TRIM66: variants seen among roughly 807,000 people sequenced by gnomAD.
TRIM66 encodes the protein tripartite motif containing 66.
Under a neutral mutation model 148.2 loss-of-function variants are expected in TRIM66, and 99 were observed. That is an observed-to-expected ratio of 0.67 (90% CI 0.57 to 0.79). TRIM66 has a LOEUF of 0.79. TRIM66 is among the 30% of genes least tolerant of loss of function. The pLI is 0.00. For synonymous variants in TRIM66, 616 were observed against 635.9 expected (o/e 0.97, Z 0.47); for missense variants, 1,666 against 1,697.9 (o/e 0.98, Z 0.33).
At chr11:8,668,249 C>T (rs1175171005) in intron 6 of TRIM66, among the ~76,000 whole-genome samples, 2 of 151,394 alleles carry the variant, frequency 1.3e-5, no homozygotes, top group Non-Finnish European at 2.9e-5. Context: ...AGTCTTTTGC[C>T]CATTTTAAAA....
chr11:8,646,636 A>G, intron 10 of TRIM66, 75 bp from the exon 11 acceptor site: 1 of 1,222,410 alleles, frequency 8.2e-7, no homozygotes, highest in Non-Finnish European at 1.2e-6. Context: ...AGCAAACATA[A>G]GAACCAACTT....
chr11:8,649,693 C>G, intron 8 of TRIM66, 47 bp downstream of exon 8: 2 of 1,538,580 alleles, frequency 1.3e-6, no homozygotes, highest in South Asian at 2.4e-5. Flanking sequence ...TAGGGTTCAG[C>G]CCTGCTTTAG....
rs541265173 is a variant in TRIM66 at position 8,639,111 on chromosome 11, T to C, written c.2149-296A>G. ...ACTTACATTTTAGCTTGTGGCCCTC[T>C]ATGAACCCTAGACCCTTCTCTGCCA... On this transcript the variant is annotated intron_variant, in intron 14 of 24. Transcript: ENST00000646038. Among the ~76,000 whole-genome samples, 24 of 152,348 alleles carry C rather than the reference T, an allele frequency of 1.6e-4. No individual in the cohort carries two copies. The East Asian group carries it at 3.1e-3, about 20-fold the overall frequency.
chr11:8,619,836 C>T (rs2034033821), intron 22 of TRIM66, among the ~76,000 whole-genome samples: 1 of 152,216 alleles, frequency 6.6e-6, no homozygotes, highest in Non-Finnish European at 1.5e-5. Context: ...GTCACTACTC[C>T]CAGTGGCCAT....
intron 22 of TRIM66, 56 bp from the exon 23 acceptor site, chr11:8,619,591 G>A (rs775501694): frequency 6.3e-6 from 9 of 1,433,122 alleles, no homozygotes; most frequent in Middle Eastern, 3.8e-4. Context: ...AAGAAATGGA[G>A]GTGTGGATAA....
rs1359746754 is a variant in TRIM66, at chr11:8,648,405, G to A, written c.725+11C>T. The A allele has an allele frequency of 9.7e-6, 15 of 1,550,822 alleles. No homozygotes were observed. Among genetic ancestry groups the A allele is most frequent in the Admixed American group, 2.0e-5 (1 of 50,980 alleles). On this transcript the variant is annotated intron_variant, in intron 9 of 24. Transcript: ENST00000646038. The stretch of plus-strand genomic sequence containing the variant: ...CTCCCCAGCCCATTTCAGGCAGTCT[G>A]TCAGCCCCACCTGTGTTCTTTGTGT...
chr11:8,676,872 T>C (rs2039203129), intron 3 of TRIM66, among the ~76,000 whole-genome samples: 1 of 152,236 alleles, frequency 6.6e-6, no homozygotes, highest in South Asian at 2.1e-4. Flanking sequence ...AACGAAGTGC[T>C]TTACTTAAAA....
At chr11:8,665,540 A>C (rs971339653) in intron 6 of TRIM66, among the ~76,000 whole-genome samples, 7 of 152,230 alleles carry the variant, frequency 4.6e-5, no homozygotes, top group Non-Finnish European at 8.8e-5. Flanking sequence ...CTGTCTTTTC[A>C]TCTCTGTACC....
Position 8,621,636 on chromosome 11 carries a change from A to C in TRIM66, c.3255+9T>G, listed in dbSNP as rs1215922362. The C allele has an allele frequency of 6.6e-7, 1 of 1,515,540 alleles. No homozygotes were observed. The highest frequency in any genetic ancestry group is 1.3e-5 in the South Asian group (1 of 76,656). The allele number at this position is 1,515,540 out of a possible 1,614,324, so 93.9% of individuals were successfully genotyped here. ...CAGGGTTTAAGGCCAAGGCAAAGCA[A>C]AGTGGTACCTTAATGGACATGCTGG... On this transcript the variant is annotated intron_variant, in intron 19 of 24. Coordinates refer to ENST00000646038, the MANE Select transcript of TRIM66 (RefSeq NM_001388022.1).
chr11:8,621,583 G>A (rs1349416288), intron 19 of TRIM66, 62 bp downstream of exon 19: 2 of 1,456,052 alleles, frequency 1.4e-6, no homozygotes, highest in Non-Finnish European at 1.8e-6. Context: ...TCGGGCAGTA[G>A]CAGAAAGAAT....
At chr11:8,668,765 T>A (rs1242681103) in intron 6 of TRIM66, among the ~76,000 whole-genome samples, 1 of 152,036 alleles carries the variant, frequency 6.6e-6, no homozygotes, top group Admixed American at 6.6e-5. Flanking sequence ...TTTTGTATTT[T>A]AGTAGAGACG....
chr11:8,678,575 C>T (rs750888323), intron 3 of TRIM66, among the ~76,000 whole-genome samples: 1 of 152,018 alleles, frequency 6.6e-6, no homozygotes, highest in Non-Finnish European at 1.5e-5. Flanking sequence ...CTGTCTATTA[C>T]GTATAATTTT....
At chr11:8,667,558 C>T (rs928154702) in intron 6 of TRIM66, among the ~76,000 whole-genome samples, 3 of 152,190 alleles carry the variant, frequency 2.0e-5, no homozygotes, top group Non-Finnish European at 4.4e-5. Flanking sequence ...CTGTACCCAT[C>T]AAATAACAAC....
chr11:8,656,668 T>TC (rs528158686), intron 6 of TRIM66, among the ~76,000 whole-genome samples: 41 of 152,230 alleles, frequency 2.7e-4, no homozygotes, highest in African/African-American at 9.9e-4. Context: ...TGTAAAAAAT[T>TC]CCCCAGGCGA....
chr11:8,626,102 A>T (rs2034820340), intron 15 of TRIM66, among the ~76,000 whole-genome samples: 1 of 152,234 alleles, frequency 6.6e-6, no homozygotes, highest in Non-Finnish European at 1.5e-5. Context: ...AAAGAAGTTG[A>T]AGATACAGAT....
chr11:8,674,742 T>C (rs920001930), intron 4 of TRIM66, 64 bp downstream of exon 4: 4 of 152,210 alleles, frequency 2.6e-5, no homozygotes, highest in Admixed American at 6.5e-5. Context: ...AGAGTCACAT[T>C]GTTTCTCATA....
chr11:8,617,749 T>C lies in TRIM66; in HGVS notation c.*195A>G. On this transcript the variant is annotated 3_prime_UTR_variant, in exon 25 of 25. Transcript: ENST00000646038. ...TACCTTCCTCTTTCCTGTTTATTAC[T>C]GAAATCTTCTCTGTAGTGGATGTAC... The C allele has an allele frequency of 1.8e-6, 1 of 568,256 alleles. No individual in the cohort carries two copies. 35.2% of individuals were successfully genotyped at this position (568,256 alleles called of 1,614,324 possible).
intron 15 of TRIM66, among the ~76,000 whole-genome samples, chr11:8,628,873 C>A (rs2035126318): frequency 6.6e-6 from 1 of 152,010 alleles, no homozygotes; most frequent in African/African-American, 2.4e-5. Flanking sequence ...TATAATTTAA[C>A]TGCTTTAGTA....
intron 22 of TRIM66, 127 bp downstream of exon 22, chr11:8,619,923 G>C (rs1225782102): frequency 1.1e-6 from 1 of 939,582 alleles, no homozygotes; most frequent in South Asian, 1.6e-5. Context: ...ACAGTAGCAG[G>C]CACAAAATTC....
Sources: allele counts gnomAD v4.1 joint callset (sites outside exome capture counted in the v4.1 genomes callset), GRCh38; gene constraint gnomAD v4.1.1; transcripts MANE v1.5; gene names NCBI Gene and HGNC (gene_info 2026-07-23, HGNC 2026-07-21).